Variants in TMCC3 observed in about 807,000 individuals in gnomAD.
TMCC3 encodes transmembrane and coiled-coil domain protein 3.
A neutral mutation model predicts 40.2 loss-of-function variants in TMCC3; 28 were observed. The ratio of observed to expected loss-of-function variants is 0.70; its 90% CI spans 0.52 to 0.95. The LOEUF (loss-of-function observed/expected upper bound fraction) is 0.95. TMCC3 is among the 40% of genes least tolerant of loss of function. The pLI is 0.00. For synonymous variants in TMCC3, 255 were observed against 248.5 expected (o/e 1.03, Z -0.25); for missense variants, 554 against 615.2 (o/e 0.90, Z 1.05).
intron 1 of TMCC3, among the ~76,000 whole-genome samples, chr12:94,646,060 T>C (rs968984274): frequency 6.6e-6 from 1 of 152,192 alleles, no homozygotes; most frequent in African/African-American, 2.4e-5. Flanking sequence ...ACAGCACTGG[T>C]ACAAGATCTG....
At chr12:94,646,561 T>C (rs142817593) in intron 1 of TMCC3, among the ~76,000 whole-genome samples, 8,081 of 150,830 alleles carry the variant, frequency 0.054, 718 homozygotes, top group African/African-American at 0.19. Flanking sequence ...GCCTCAGCCT[T>C]CCGAGTAGCT....
At chr12:94,610,406 T>G (rs562021551) in intron 1 of TMCC3, among the ~76,000 whole-genome samples, 1 of 151,912 alleles carries the variant, frequency 6.6e-6, no homozygotes, top group African/African-American at 2.4e-5. Flanking sequence ...TTCCATATAG[T>G]TCTGAAAACA....
At chr12:94,601,280 T>C (rs1464046342) in intron 1 of TMCC3, among the ~76,000 whole-genome samples, 1 of 152,128 alleles carries the variant, frequency 6.6e-6, no homozygotes, top group Non-Finnish European at 1.5e-5. Flanking sequence ...TTTGGGAGGC[T>C]GAGGCGGGCA....
At chr12:94,597,120 A>ATATATATATATATATAT in intron 1 of TMCC3, among the ~76,000 whole-genome samples, 1 of 5,488 alleles carries the variant, frequency 1.8e-4, no homozygotes, top group Admixed American at 2.7e-3. Context: ...TCTCTATTAA[A>ATATATATATATATATAT]ATACATATAT....
At chr12:94,585,391 G>C (rs935697233) in intron 1 of TMCC3, among the ~76,000 whole-genome samples, 1 of 152,068 alleles carries the variant, frequency 6.6e-6, no homozygotes, top group Non-Finnish European at 1.5e-5. Flanking sequence ...AAAATCCTAC[G>C]TATTCTTTAA....
chr12:94,630,792 C>G (rs565396788), intron 1 of TMCC3, among the ~76,000 whole-genome samples: 15 of 152,190 alleles, frequency 9.9e-5, no homozygotes, highest in African/African-American at 3.4e-4. Context: ...GCAGTGGCAC[C>G]AAACTGGCCC....
At chr12:94,575,800 T>C (rs1220451253) in intron 3 of TMCC3, among the ~76,000 whole-genome samples, 1 of 152,056 alleles carries the variant, frequency 6.6e-6, no homozygotes, top group African/African-American at 2.4e-5. Flanking sequence ...CTTGGCAACA[T>C]TTTTATTTGT....
chr12:94,639,188 T>G (rs998948281), intron 1 of TMCC3, among the ~76,000 whole-genome samples: 1 of 152,164 alleles, frequency 6.6e-6, no homozygotes, highest in African/African-American at 2.4e-5. Flanking sequence ...CTCAGCTCAT[T>G]TCCAAGCTCC....
At chr12:94,634,689 T>C (rs776306329) in intron 1 of TMCC3, among the ~76,000 whole-genome samples, 29 of 152,186 alleles carry the variant, frequency 1.9e-4, no homozygotes, top group Non-Finnish European at 4.0e-4. Flanking sequence ...TTTGCATAAG[T>C]AAGTGTCCCT....
intron 1 of TMCC3, among the ~76,000 whole-genome samples, chr12:94,623,225 GA>G (rs758100994): frequency 0.034 from 4,855 of 142,330 alleles, 232 homozygotes; most frequent in African/African-American, 0.11. Context: ...AAATCTGCAG[GA>G]AAAAAAAAAA....
At chr12:94,627,572 A>G (rs2068910505) in intron 1 of TMCC3, among the ~76,000 whole-genome samples, 1 of 152,102 alleles carries the variant, frequency 6.6e-6, no homozygotes, top group African/African-American at 2.4e-5. Context: ...TGCCCCAGCC[A>G]CACAGCCTCC....
intron 1 of TMCC3, among the ~76,000 whole-genome samples, chr12:94,582,965 C>CTTTTTTTT (rs753900771): frequency 5.0e-5 from 3 of 59,946 alleles, no homozygotes; most frequent in Admixed American, 1.8e-4. Flanking sequence ...GAAGGAGAAT[C>CTTTTTTTT]TTTTTTTTTT....
chr12:94,639,066 T>C (rs1158626009), intron 1 of TMCC3, among the ~76,000 whole-genome samples: 2 of 152,208 alleles, frequency 1.3e-5, no homozygotes, highest in Non-Finnish European at 2.9e-5. Flanking sequence ...TCCCAAAGAA[T>C]TCATATTTTC....
chr12:94,633,907 T>C (rs2068946367), intron 1 of TMCC3, among the ~76,000 whole-genome samples: 1 of 152,154 alleles, frequency 6.6e-6, no homozygotes, highest in Non-Finnish European at 1.5e-5. Context: ...TTGGTATTCT[T>C]TGTTTTTCAA....
At chr12:94,637,240 T>A (rs1345726744) in intron 1 of TMCC3, among the ~76,000 whole-genome samples, 2 of 152,230 alleles carry the variant, frequency 1.3e-5, no homozygotes, top group African/African-American at 4.8e-5. Context: ...TGTACTATAG[T>A]TACATAAAAT....
At chr12:94,636,694 A>T (rs2068962612) in intron 1 of TMCC3, among the ~76,000 whole-genome samples, 2 of 152,270 alleles carry the variant, frequency 1.3e-5, no homozygotes. Flanking sequence ...GTAAAAGACA[A>T]AATGCAACAA....
chr12:94,582,321 A>G lies in TMCC3; in HGVS notation c.296T>C (p.Leu99Pro). 1.2e-6 allele frequency: 2 copies of G among 1,613,900 alleles called. No individual in the cohort carries two copies. Among genetic ancestry groups the G allele is most frequent in the Non-Finnish European group, 1.7e-6 (2 of 1,180,006 alleles). The change falls in exon 2 of 4, where the codon CTA becomes CCA. Residue 99 changes from leucine (L) to proline (P), a missense_variant. Physicochemically the swap from Leu to Pro is moderately conservative, Grantham distance 98 (BLOSUM62 -3). Coordinates refer to ENST00000261226, the MANE Select transcript of TMCC3 (RefSeq NM_020698.4). ...CTGCTGCTTGTCTGCGTTGTTCACT[A>G]GTTTCAGATACTCCGCAACATTCCC... is the stretch of plus-strand genomic sequence containing the variant. ...RDGNVAEYLK[L>P]VNNADKQQAG...
intron 1 of TMCC3, among the ~76,000 whole-genome samples, chr12:94,637,748 G>C (rs1024469625): frequency 3.3e-5 from 5 of 152,190 alleles, no homozygotes; most frequent in African/African-American, 1.2e-4. Flanking sequence ...ATAAATGATG[G>C]TATAGCCATA....
intron 1 of TMCC3, chr12:94,598,817 A>G (rs1566322965): frequency 1.3e-5 from 12 of 940,626 alleles, no homozygotes; most frequent in Non-Finnish European, 1.5e-5. Context: ...AACGACAAAG[A>G]AATAAAACAA....
Sources: gnomAD v4.1 joint callset for allele counts (sites outside exome capture counted in the v4.1 genomes callset) on GRCh38, gnomAD v4.1.1 for gene constraint, MANE v1.5 for transcripts, NCBI Gene and HGNC (gene_info 2026-07-23, HGNC 2026-07-21) for gene names.